The following SPECC1 variants were observed in gnomAD, a reference collection of about 807,000 sequenced individuals.
SPECC1 encodes sperm antigen with calponin homology and coiled-coil domains 1, also known as cytospin-B.
In SPECC1, 62 loss-of-function variants were observed where a neutral mutation model predicts 104.1. That is an observed-to-expected ratio of 0.60 (90% confidence interval 0.49 to 0.74). The LOEUF (loss-of-function observed/expected upper bound fraction) is 0.74. Among genes scored for constraint, SPECC1 ranks in the 30% least tolerant of loss-of-function variants. The pLI is 0.00. For missense variants in SPECC1, 1,306 were observed against 1,310.5 expected (o/e 1.00, Z 0.05); for synonymous variants, 513 against 501.6 (o/e 1.02, Z -0.30).
chr17:20,156,140 C>T, intron 3 of SPECC1: 1 of 1,413,350 alleles, frequency 7.1e-7, no homozygotes, highest in Non-Finnish European at 9.2e-7. Flanking sequence ...GCGAGCTCGG[C>T]ACGGTGGACA....
chr17:20,243,600 A>G (rs1309284502), intron 7 of SPECC1, among the ~76,000 whole-genome samples: 2 of 152,192 alleles, frequency 1.3e-5, no homozygotes, highest in Admixed American at 6.5e-5. Context: ...CTGTTACATA[A>G]CACAGTGGGT....
intron 1 of SPECC1, chr17:20,017,749 T>TTA (rs2044204128): frequency 6.6e-6 from 1 of 152,274 alleles, no homozygotes; most frequent in African/African-American, 2.4e-5. Context: ...TCCTGTGTTT[T>TTA]TATTTCTTGG....
chr17:20,147,085 T>C (rs1308070439), intron 3 of SPECC1, among the ~76,000 whole-genome samples: 1 of 150,838 alleles, frequency 6.6e-6, no homozygotes, highest in East Asian at 1.9e-4. Flanking sequence ...ATCGTGATTT[T>C]TTTTTTTTTT....
chr17:20,168,334 AT>A (rs1277718965), intron 3 of SPECC1, among the ~76,000 whole-genome samples: 3 of 152,204 alleles, frequency 2.0e-5, no homozygotes, highest in Non-Finnish European at 4.4e-5. Flanking sequence ...AGAATTGGAA[AT>A]ATCAGTACAT....
rs1216583433 is a variant in SPECC1, at chr17:20,317,055, A to T, written c.*2990A>T. ...AACTCCAGGAGTTTCCCCGACTACC[A>T]TTTTTTTTTTTTTTATTTGCCAGTG... On this transcript the variant is annotated 3_prime_UTR_variant, in exon 15 of 15. Coordinates refer to ENST00000395527, the MANE Select transcript of SPECC1 (RefSeq NM_001243439.2). 26 of 177,512 alleles carry T rather than the reference A, an allele frequency of 1.5e-4. No homozygotes were observed. Among genetic ancestry groups the T allele is most frequent in the Non-Finnish European group, 2.4e-4 (21 of 85,730 alleles). 11.0% of individuals were successfully genotyped at this position (177,512 alleles called of 1,614,324 possible). A position where few individuals can be genotyped will look rare whatever the true frequency, so the allele number is the denominator to read the frequency against.
At chr17:20,285,424 T>G (rs2040910599) in intron 12 of SPECC1, among the ~76,000 whole-genome samples, 1 of 152,196 alleles carries the variant, frequency 6.6e-6, no homozygotes, top group African/African-American at 2.4e-5. Flanking sequence ...CTTTTTTTTT[T>G]TCCTAAACCC....
At chr17:20,046,754 C>T (rs1304979641) in intron 1 of SPECC1, among the ~76,000 whole-genome samples, 1 of 151,810 alleles carries the variant, frequency 6.6e-6, no homozygotes, top group Admixed American at 6.6e-5. Context: ...GTGGAGGAGG[C>T]GGCCAGAGCC....
At position 20,136,333 on chromosome 17, in the gene SPECC1, G is replaced by A. The variant is rs1263144482; in HGVS notation, c.283+25771G>A. On this transcript the variant is annotated intron_variant, in intron 3 of 14. Transcript: ENST00000395527. Reference sequence around the variant, plus strand: ...CCAGCTACTCAGGAGGTTGAGGCAGGAGAATTGCTTGAACACGGGAGGCGG... The same window carrying A: ...CCAGCTACTCAGGAGGTTGAGGCAGAAGAATTGCTTGAACACGGGAGGCGG... Among the ~76,000 whole-genome samples, 6 of 151,830 alleles carry A rather than the reference G, an allele frequency of 4.0e-5. No homozygotes were observed. The East Asian group carries it at 9.7e-4, about 25-fold the overall frequency.
intron 1 of SPECC1, among the ~76,000 whole-genome samples, chr17:20,054,960 C>A (rs77106509): frequency 0.014 from 2,175 of 152,284 alleles, 41 homozygotes; most frequent in African/African-American, 0.049. Flanking sequence ...TGTTAATCTA[C>A]CCTTAACAAA....
intron 12 of SPECC1, among the ~76,000 whole-genome samples, chr17:20,270,103 GGA>G (rs1490613363): frequency 3.9e-5 from 6 of 152,070 alleles, no homozygotes; most frequent in Non-Finnish European, 8.8e-5. Context: ...CAGAGGCTGA[GGA>G]GAGAGGGCAA....
chr17:20,298,150 A>C (rs1171469152), intron 13 of SPECC1, among the ~76,000 whole-genome samples: 1 of 152,098 alleles, frequency 6.6e-6, no homozygotes, highest in African/African-American at 2.4e-5. Flanking sequence ...TCAGGAGTTC[A>C]AGACCAGCCT....
chr17:20,086,808 TC>T (rs1244310215), intron 1 of SPECC1, among the ~76,000 whole-genome samples: 1 of 152,148 alleles, frequency 6.6e-6, no homozygotes, highest in African/African-American at 2.4e-5. Context: ...CAGGTCCTCA[TC>T]GTTCAAATGC....
rs574093323 is a variant in SPECC1 at position 20,286,608 on chromosome 17, C to T, written c.2941-10353C>T. 4.6e-5 allele frequency among the ~76,000 whole-genome samples: 7 copies of T among 152,306 alleles called. No homozygotes were observed. In the South Asian group the frequency reaches 1.5e-3, roughly 32 times the overall value. On this transcript the variant is annotated intron_variant, in intron 12 of 14. Transcript: ENST00000395527. ...CCTGGAGTGAGTTCTCAGCTTGCTCCCTGGGGTGCCTAGGACTTGCCCGGC... is the reference window on the plus strand; with the variant it reads ...CCTGGAGTGAGTTCTCAGCTTGCTCTCTGGGGTGCCTAGGACTTGCCCGGC...
At chr17:20,121,041 G>A (rs1275918593) in intron 3 of SPECC1, among the ~76,000 whole-genome samples, 1 of 152,054 alleles carries the variant, frequency 6.6e-6, no homozygotes, top group Non-Finnish European at 1.5e-5. Context: ...TGTTCTCTGG[G>A]GCTATGCCAA....
rs184274065 is a variant in SPECC1, at chr17:20,289,180, T to C, written c.2941-7781T>C. 1.6e-3 allele frequency among the ~76,000 whole-genome samples: 240 copies of C among 152,142 alleles called. 2 individuals carry two copies. The highest frequency in any genetic ancestry group is 5.4e-3 in the African/African-American group (224 of 41,424). On this transcript the variant is annotated intron_variant, in intron 12 of 14. Transcript: ENST00000395527. ...AACTCATGAGATGTTGTGAGACTTA[T>C]TCACTATCACGAGAATAGCATGGGA...
intron 12 of SPECC1, among the ~76,000 whole-genome samples, chr17:20,264,172 T>C (rs1029130713): frequency 6.6e-6 from 1 of 152,192 alleles, no homozygotes; most frequent in African/African-American, 2.4e-5. Context: ...TTAAAATAAC[T>C]TTCCTTTTAT....
intron 3 of SPECC1, among the ~76,000 whole-genome samples, chr17:20,183,014 A>G (rs2035013136): frequency 6.6e-6 from 1 of 152,268 alleles, no homozygotes; most frequent in Non-Finnish European, 1.5e-5. Context: ...GGAAAACATT[A>G]TAAAATATGC....
intron 12 of SPECC1, among the ~76,000 whole-genome samples, chr17:20,291,405 C>T (rs745835388): frequency 1.7e-4 from 26 of 152,176 alleles, no homozygotes; most frequent in Non-Finnish European, 2.2e-4. Flanking sequence ...CTGACTCTGG[C>T]GCTAGAAATA....
intron 12 of SPECC1, among the ~76,000 whole-genome samples, chr17:20,280,686 G>A (rs2151668673): frequency 6.6e-6 from 1 of 152,298 alleles, no homozygotes; most frequent in Admixed American, 6.5e-5. Context: ...ATGTGACTGA[G>A]AAATGGAATT....
Sources: gnomAD v4.1 joint callset for allele counts (sites outside exome capture counted in the v4.1 genomes callset) on GRCh38, gnomAD v4.1.1 for gene constraint, MANE v1.5 for transcripts, NCBI Gene and HGNC (gene_info 2026-07-23, HGNC 2026-07-21) for gene names.